TBC1D19: variants seen among roughly 807,000 people sequenced by gnomAD.
The protein encoded by TBC1D19 is TBC1 domain family member 19.
TBC1D19 carries 60 observed loss-of-function variants against 89.0 expected under a neutral mutation model. The observed-to-expected ratio is 0.67, with a 90% CI of 0.55 to 0.84. The LOEUF (loss-of-function observed/expected upper bound fraction) is 0.84, where lower values mean the gene tolerates loss of function less well. Among genes scored for constraint, TBC1D19 ranks in the 40% least tolerant of loss-of-function variants. The probability of loss-of-function intolerance (pLI) is 0.00; values close to 1 mark genes in which losing one functional copy is unlikely to be tolerated. For synonymous variants in TBC1D19, 189 were observed against 199.7 expected (o/e 0.95, Z 0.45); for missense variants, 500 against 610.8 (o/e 0.82, Z 1.91).
chr4:26,653,849 A>G (rs188461251), intron 7 of TBC1D19, among the ~76,000 whole-genome samples: 1 of 152,106 alleles, frequency 6.6e-6, no homozygotes, highest in African/African-American at 2.4e-5. Context: ...TGTGTCTTTT[A>G]ATTGGGGAAT....
intron 5 of TBC1D19, 101 bp from the exon 6 acceptor site, chr4:26,638,670 C>G (rs548211250): frequency 2.3e-6 from 2 of 853,388 alleles, no homozygotes; most frequent in African/African-American, 3.4e-5. Flanking sequence ...CTGTTATGGT[C>G]ATTTATTTAG....
intron 13 of TBC1D19, among the ~76,000 whole-genome samples, chr4:26,703,445 A>G (rs1287279220): frequency 6.6e-6 from 1 of 152,156 alleles, no homozygotes; most frequent in Non-Finnish European, 1.5e-5. Flanking sequence ...TGTTCTTGTC[A>G]TTAATTACAG....
chr4:26,748,437 T>A lies in TBC1D19; in HGVS notation c.1346T>A (p.Val449Asp), dbSNP rs1167380567. The change falls in exon 19 of 21, where the codon GTT becomes GAT. Residue 449 changes from valine (V) to aspartate (D), a missense_variant. Physicochemically the swap from Val to Asp is radical, Grantham distance 152. This residue lies in a region of TBC1D19 where 220 missense variants were observed against 319.1 expected (regional missense o/e 0.69). Transcript: ENST00000264866. ...CTTCGCATATCATTTAAGTGGATGG[T>A]TCGAGCTTTCTCTGGATACTTAGCT... ...QPLRISFKWM[V>D]RAFSGYLATD... is the part of the protein sequence containing the mutation. 6.2e-7 allele frequency: 1 copy of A among 1,613,774 alleles called. No homozygotes were observed. Among genetic ancestry groups the A allele is most frequent in the African/African-American group, 1.3e-5 (1 of 74,932 alleles).
chr4:26,592,723 G>A (rs1739903253), intron 1 of TBC1D19, among the ~76,000 whole-genome samples: 1 of 151,022 alleles, frequency 6.6e-6, no homozygotes, highest in Admixed American at 6.6e-5. Flanking sequence ...AATCATGAGT[G>A]AACTCCCATT....
chr4:26,794,885 C>G, the TBC1D19 span, among the ~76,000 whole-genome samples: 391 of 152,294 alleles, frequency 2.6e-3, 1 homozygote, highest in African/African-American at 9.0e-3. Context: ...CAGAATGTTC[C>G]CTGGTGTGAA....
the TBC1D19 span, among the ~76,000 whole-genome samples, chr4:26,828,760 A>G: frequency 6.6e-6 from 1 of 152,220 alleles, no homozygotes; most frequent in African/African-American, 2.4e-5. Context: ...ACTGTAAGGA[A>G]ACCCTGATAA....
chr4:26,650,376 T>G (rs976105216), intron 7 of TBC1D19, among the ~76,000 whole-genome samples: 12 of 152,186 alleles, frequency 7.9e-5, no homozygotes, highest in African/African-American at 2.9e-4. Context: ...CAGCACCTGT[T>G]GTTTCCTGAC....
At chr4:26,765,961 A>G in the TBC1D19 span, among the ~76,000 whole-genome samples, 1 of 152,148 alleles carries the variant, frequency 6.6e-6, no homozygotes, top group African/African-American at 2.4e-5. Flanking sequence ...TCTTTTCGAT[A>G]CACAACTTAA....
chr4:26,688,226 GT>G, intron 12 of TBC1D19, 118 bp from the exon 13 acceptor site: 1 of 1,305,930 alleles, frequency 7.7e-7, no homozygotes, highest in Non-Finnish European at 9.8e-7. Context: ...TAATTGAGAA[GT>G]TTATAATCAT....
chr4:26,616,483 C>T (rs1486673895), intron 3 of TBC1D19, among the ~76,000 whole-genome samples: 3 of 151,986 alleles, frequency 2.0e-5, no homozygotes, highest in Non-Finnish European at 2.9e-5. Context: ...GAAGACTTAG[C>T]GTATTCTGTT....
the TBC1D19 span, among the ~76,000 whole-genome samples, chr4:26,781,721 A>G: frequency 6.6e-6 from 1 of 152,244 alleles, no homozygotes; most frequent in Non-Finnish European, 1.5e-5. Context: ...AACTTTACTA[A>G]AAAGTGAAAC....
intron 13 of TBC1D19, among the ~76,000 whole-genome samples, chr4:26,712,031 A>G (rs143439824): frequency 7.0e-4 from 107 of 152,180 alleles, no homozygotes; most frequent in African/African-American, 2.5e-3. Context: ...ATATTTAATC[A>G]TAGAGCTTCT....
the TBC1D19 span, among the ~76,000 whole-genome samples, chr4:26,786,452 G>A: frequency 4.6e-5 from 7 of 152,124 alleles, no homozygotes; most frequent in Non-Finnish European, 1.0e-4. Flanking sequence ...GGCCAACACG[G>A]TGAAACCCCA....
the TBC1D19 span, among the ~76,000 whole-genome samples, chr4:26,790,560 T>C: frequency 6.6e-6 from 1 of 152,114 alleles, no homozygotes; most frequent in Non-Finnish European, 1.5e-5. Flanking sequence ...CATAAATAGA[T>C]AGATATTGAG....
At chr4:26,588,111 C>T (rs575599114) in intron 1 of TBC1D19, among the ~76,000 whole-genome samples, 26 of 150,706 alleles carry the variant, frequency 1.7e-4, no homozygotes, top group Middle Eastern at 3.4e-3. Flanking sequence ...CTGCAAGCTC[C>T]GCCTCCCGGG....
intron 13 of TBC1D19, among the ~76,000 whole-genome samples, chr4:26,711,825 T>C (rs1263692863): frequency 6.6e-6 from 1 of 152,072 alleles, no homozygotes; most frequent in African/African-American, 2.4e-5. Flanking sequence ...GATACAAAAA[T>C]TAGAATCTCA....
chr4:26,587,487 G>A (rs1165323827), intron 1 of TBC1D19, among the ~76,000 whole-genome samples: 1 of 151,062 alleles, frequency 6.6e-6, no homozygotes, highest in African/African-American at 2.4e-5. Flanking sequence ...TGAGGTGGGA[G>A]GATGGCTTGA....
chr4:26,844,779 T>G, the TBC1D19 span, among the ~76,000 whole-genome samples: 1 of 152,186 alleles, frequency 6.6e-6, no homozygotes, highest in Non-Finnish European at 1.5e-5. Flanking sequence ...TTTTTTCTAC[T>G]TTCCGCTTTT....
chr4:26,814,143 C>T, the TBC1D19 span, among the ~76,000 whole-genome samples: 2 of 152,168 alleles, frequency 1.3e-5, no homozygotes, highest in African/African-American at 4.8e-5. Context: ...GCAACACATC[C>T]AATAACAGAT....
Sources: allele counts gnomAD v4.1 joint callset (sites outside exome capture counted in the v4.1 genomes callset), GRCh38; gene constraint gnomAD v4.1.1; regional missense constraint gnomAD v4.1.1; transcripts MANE v1.5; gene names NCBI Gene and HGNC (gene_info 2026-07-23, HGNC 2026-07-21).